CCNI: variants seen among roughly 807,000 people sequenced by gnomAD.
The protein encoded by CCNI is cyclin-I.
A neutral mutation model predicts 34.1 loss-of-function variants in CCNI; 14 were observed. The observed-to-expected ratio is 0.41, with a 90% CI of 0.27 to 0.64. The LOEUF is 0.64. Ranked by LOEUF, CCNI falls within the 30% of genes least tolerant of loss-of-function variation. The probability of loss-of-function intolerance (pLI) is 0.31; values close to 1 mark genes in which losing one functional copy is unlikely to be tolerated. For synonymous variants in CCNI, 154 were observed against 158.4 expected (o/e 0.97, Z 0.21); for missense variants, 385 against 440.5 (o/e 0.87, Z 1.13).
intron 4 of CCNI, 23 bp from the exon 5 acceptor site, chr4:77,056,125 G>A (rs757264470): frequency 1.2e-5 from 19 of 1,609,644 alleles, no homozygotes; most frequent in South Asian, 2.2e-5. Context: ...AAGGGGAACA[G>A]GGACAGGGAG....
rs368177536 is a variant in CCNI, at chr4:77,055,172, A to G, written c.668T>C (p.Ile223Thr). The change falls in exon 6 of 7, where the codon ATT (isoleucine) becomes ACT (threonine). Residue 223 changes from isoleucine (I) to threonine (T), a missense_variant. Coordinates refer to ENST00000237654, the MANE Select transcript of CCNI (RefSeq NM_006835.3). ...TACCTGTGCTTTCTGAAGCAGTTCA[A>G]TTGTAAGAGAAAGCCAATCAGGAAT... ...KLIPDWLSLT[I>T]ELLQKAQMDS... The G allele has an allele frequency of 2.5e-6, 4 of 1,613,038 alleles. No individual in the cohort carries two copies. The highest frequency in any genetic ancestry group is 3.3e-5 in the Admixed American group (2 of 60,000).
intron 3 of CCNI, chr4:77,056,540 A>C (rs191810699): frequency 2.0e-6 from 1 of 510,658 alleles, no homozygotes; most frequent in African/African-American, 1.9e-5. Context: ...AGCAGTAATG[A>C]AAGGAAGGAA....
At chr4:77,072,731 A>G (rs901628671) in intron 1 of CCNI, among the ~76,000 whole-genome samples, 1 of 152,000 alleles carries the variant, frequency 6.6e-6, no homozygotes, top group Admixed American at 6.6e-5. Context: ...AATGGTGTAA[A>G]GGTCATTATT....
At chr4:77,050,991 C>T (rs998822549) in intron 6 of CCNI, among the ~76,000 whole-genome samples, 4 of 152,140 alleles carry the variant, frequency 2.6e-5, no homozygotes, top group African/African-American at 9.7e-5. Context: ...GCTCAAGTCT[C>T]TTATATAAAA....
chr4:77,064,448 A>G (rs1050947371), intron 2 of CCNI, among the ~76,000 whole-genome samples: 2 of 152,190 alleles, frequency 1.3e-5, no homozygotes, highest in East Asian at 3.9e-4. Context: ...ATGTCACAAC[A>G]TAAGGGCAGG....
chr4:77,052,979 A>G (rs1299063598), intron 6 of CCNI, among the ~76,000 whole-genome samples: 3 of 152,188 alleles, frequency 2.0e-5, no homozygotes, highest in East Asian at 3.9e-4. Context: ...TACATGGGGC[A>G]TATCTCTTAA....
intron 6 of CCNI, among the ~76,000 whole-genome samples, chr4:77,054,277 A>G (rs1728060107): frequency 6.6e-6 from 1 of 152,202 alleles, no homozygotes; most frequent in Non-Finnish European, 1.5e-5. Flanking sequence ...TGCTACAATT[A>G]GTTTATTGCA....
chr4:77,063,968 G>A (rs1728820900), intron 2 of CCNI, among the ~76,000 whole-genome samples: 1 of 152,176 alleles, frequency 6.6e-6, no homozygotes. Flanking sequence ...AGATTTGGGT[G>A]TGGTTGCTCA....
In CCNI at chr4:77,048,676, A is replaced by G; in HGVS notation, c.691-14T>C. 6.6e-7 allele frequency: 1 copy of G among 1,507,908 alleles called. No individual in the cohort carries two copies. Among genetic ancestry groups the G allele is most frequent in the Non-Finnish European group, 8.9e-7 (1 of 1,128,762 alleles). 93.4% of individuals were successfully genotyped at this position (1,507,908 alleles called of 1,614,324 possible). A position where few individuals can be genotyped will look rare whatever the true frequency, so the allele number is the denominator to read the frequency against. ...GGAGCTATCCATCTGGGCCAGGAAA[A>G]AAAAAAAGCCACACACAGTTGATCA... is the stretch of plus-strand genomic sequence containing the variant. On this transcript the variant is annotated splice_polypyrimidine_tract_variant and intron_variant, in intron 6 of 6. Transcript: ENST00000237654.
intron 1 of CCNI, among the ~76,000 whole-genome samples, chr4:77,067,987 CA>C (rs1478786059): frequency 1.3e-5 from 2 of 151,638 alleles, no homozygotes; most frequent in African/African-American, 4.8e-5. Flanking sequence ...ACCAGCCTGA[CA>C]AAACATGGTG....
At chr4:77,050,316 C>T (rs1364738978) in intron 6 of CCNI, among the ~76,000 whole-genome samples, 3 of 151,908 alleles carry the variant, frequency 2.0e-5, no homozygotes, top group African/African-American at 7.3e-5. Flanking sequence ...CTTACTTATC[C>T]TCATATAACC....
At chr4:77,051,946 GTTTT>G (rs1193118771) in intron 6 of CCNI, among the ~76,000 whole-genome samples, 1 of 144,464 alleles carries the variant, frequency 6.9e-6, no homozygotes, top group Non-Finnish European at 1.5e-5. Context: ...GGAGGGGTCT[GTTTT>G]TTTGTTTTTT....
intron 1 of CCNI, among the ~76,000 whole-genome samples, chr4:77,067,332 C>T (rs1293152993): frequency 1.3e-5 from 2 of 152,000 alleles, no homozygotes; most frequent in African/African-American, 4.8e-5. Flanking sequence ...GGACAGTGCA[C>T]AAAAGGAACA....
At chr4:77,073,658 A>C (rs1419631281) in intron 1 of CCNI, among the ~76,000 whole-genome samples, 1 of 152,216 alleles carries the variant, frequency 6.6e-6, no homozygotes, top group African/African-American at 2.4e-5. Flanking sequence ...TTCAACTTGA[A>C]ATGTCCTCTA....
chr4:77,058,618 C>T lies in CCNI; in HGVS notation c.132G>A (p.Gln44=), dbSNP rs145779519. ...CCAGCCATTGAATTACTTCATCTCT[C>T]TGGGATGGAGAAACATTCTATAAGG... ...MPSNQNVSPS[Q]RDEVIQWLAK... Residue 44 remains glutamine, a synonymous_variant, in exon 3 of 7, where the codon CAG becomes CAA. Coordinates refer to ENST00000237654, the MANE Select transcript of CCNI (RefSeq NM_006835.3). 300 of 1,613,212 alleles carry T rather than the reference C, an allele frequency of 1.9e-4. 1 individual carries two copies. The African/African-American group carries it at 3.4e-3, about 18-fold the overall frequency.
intron 1 of CCNI, among the ~76,000 whole-genome samples, chr4:77,073,490 T>C (rs770807076): frequency 1.4e-4 from 21 of 152,338 alleles, no homozygotes; most frequent in Admixed American, 4.6e-4. Flanking sequence ...TGAATCTTAG[T>C]TCCTCTTCTG....
chr4:77,065,743 A>C (rs1382261439), intron 2 of CCNI, among the ~76,000 whole-genome samples: 1 of 152,240 alleles, frequency 6.6e-6, no homozygotes, highest in Non-Finnish European at 1.5e-5. Flanking sequence ...AAAACAGGTC[A>C]ACAAACAAAA....
chr4:77,075,694 T>G lies in CCNI; in HGVS notation c.-266A>C, dbSNP rs1355855134. The G allele has an allele frequency of 2.4e-6, 1 of 425,136 alleles. No homozygotes were observed. Among genetic ancestry groups the G allele is most frequent in the Non-Finnish European group, 3.2e-6 (1 of 317,368 alleles). 26.3% of individuals were successfully genotyped at this position (425,136 alleles called of 1,614,324 possible). A position where few individuals can be genotyped will look rare whatever the true frequency, so the allele number is the denominator to read the frequency against. On this transcript the variant is annotated 5_prime_UTR_variant, in exon 1 of 7. Transcript: ENST00000237654. ...GAGCGGGACGCACGGCTGCGGCCGC[T>G]GGGTCGGTCAGCGAATTAGTTCCAT...
chr4:77,066,672 T>G (rs1486782334), intron 1 of CCNI, among the ~76,000 whole-genome samples: 3 of 152,234 alleles, frequency 2.0e-5, no homozygotes, highest in African/African-American at 7.2e-5. Flanking sequence ...ATGTTATTAC[T>G]GTTTCAAATT....
Sources: gnomAD v4.1 joint callset for allele counts (sites outside exome capture counted in the v4.1 genomes callset) on GRCh38, gnomAD v4.1.1 for gene constraint, MANE v1.5 for transcripts, NCBI Gene and HGNC (gene_info 2026-07-23, HGNC 2026-07-21) for gene names.